Variants in PTCHD4 observed in about 807,000 individuals in gnomAD.
PTCHD4 encodes patched domain containing 4.
Under a neutral mutation model 58.1 loss-of-function variants are expected in PTCHD4, and 33 were observed. That is an observed-to-expected ratio of 0.57 (90% CI 0.43 to 0.76). PTCHD4 has a LOEUF of 0.76. PTCHD4 is among the 30% of genes least tolerant of loss of function. The pLI is 0.00. For missense variants in PTCHD4, 1,058 were observed against 1,027.1 expected (o/e 1.03, Z -0.41); for synonymous variants, 478 against 409.6 (o/e 1.17, Z -2.02).
chr6:47,988,351 G>A (rs917398042), intron 4 of PTCHD4, among the ~76,000 whole-genome samples: 2 of 152,100 alleles, frequency 1.3e-5, no homozygotes, highest in Non-Finnish European at 2.9e-5. Flanking sequence ...CAAAAATAGT[G>A]ACTATCACAT....
chr6:47,923,718 C>T (rs1454369583), intron 4 of PTCHD4, among the ~76,000 whole-genome samples: 4 of 152,298 alleles, frequency 2.6e-5, no homozygotes, highest in Non-Finnish European at 5.9e-5. Flanking sequence ...ATGGTATAGG[C>T]TCCTTGTTAG....
At chr6:48,016,595 C>A (rs1378978091) in intron 3 of PTCHD4, among the ~76,000 whole-genome samples, 3 of 151,804 alleles carry the variant, frequency 2.0e-5, no homozygotes, top group Non-Finnish European at 4.4e-5. Context: ...TAAATCATCT[C>A]ATCACATTAT....
At chr6:48,007,581 C>T (rs760461899) in intron 4 of PTCHD4, among the ~76,000 whole-genome samples, 12 of 152,180 alleles carry the variant, frequency 7.9e-5, no homozygotes, top group Non-Finnish European at 1.6e-4. Context: ...GGAGAGGTAG[C>T]GCTTCTCTTT....
At chr6:48,062,594 T>C (rs900545385) in intron 3 of PTCHD4, among the ~76,000 whole-genome samples, 4 of 152,122 alleles carry the variant, frequency 2.6e-5, no homozygotes, top group African/African-American at 9.7e-5. Context: ...GAGCAGAAAC[T>C]AGGCCCCAGT....
intron 4 of PTCHD4, among the ~76,000 whole-genome samples, chr6:47,981,483 G>A (rs542800895): frequency 4.6e-4 from 70 of 151,790 alleles, no homozygotes; most frequent in African/African-American, 1.5e-3. Flanking sequence ...CCCTAGAGGC[G>A]TCATGGTGTT....
rs983630392 is a variant in PTCHD4 at position 47,864,818 on chromosome 6, C to T, written c.*13485G>A. Among the ~76,000 whole-genome samples, 1 of 151,908 alleles carries T rather than the reference C, an allele frequency of 6.6e-6. No individual in the cohort carries two copies. Among genetic ancestry groups the T allele is most frequent in the South Asian group, 2.1e-4 (1 of 4,832 alleles). Reference sequence around the variant, plus strand: ...GAAAAGTTTTGAATTAGAGACAGGCCATCCAATGAATGTGTAACTATGTGT... The same window carrying T: ...GAAAAGTTTTGAATTAGAGACAGGCTATCCAATGAATGTGTAACTATGTGT... On this transcript the variant is annotated 3_prime_UTR_variant, in exon 5 of 5. Coordinates refer to ENST00000339488, the MANE Select transcript of PTCHD4 (RefSeq NM_001384253.1).
chr6:47,858,274 ATTTGAG>A lies in PTCHD4; in HGVS notation c.*20023_*20028del, dbSNP rs1763343798. On this transcript the variant is annotated 3_prime_UTR_variant, in exon 5 of 5. Transcript: ENST00000339488. ...GGGGCAGACATAAGAAGAAAATCTGATTTGAGTTTATCATATTCACCTTACTCCATT... is the reference window on the plus strand; with the variant it reads ...GGGGCAGACATAAGAAGAAAATCTGATTTATCATATTCACCTTACTCCATT... Among the ~76,000 whole-genome samples the A allele has an allele frequency of 1.4e-4, 21 of 152,028 alleles. No individual in the cohort carries two copies. Among genetic ancestry groups the A allele is most frequent in the Admixed American group, 1.4e-3 (21 of 15,234 alleles).
At chr6:47,981,753 T>A (rs1433353064) in intron 4 of PTCHD4, among the ~76,000 whole-genome samples, 1 of 152,156 alleles carries the variant, frequency 6.6e-6, no homozygotes, top group Non-Finnish European at 1.5e-5. Context: ...TGCTTGTTAC[T>A]CTATTCTGTG....
intron 4 of PTCHD4, among the ~76,000 whole-genome samples, chr6:47,995,108 A>C (rs1275038373): frequency 2.0e-5 from 3 of 152,170 alleles, no homozygotes; most frequent in Non-Finnish European, 2.9e-5. Flanking sequence ...ATATAAGTAA[A>C]ATATTTATAA....
chr6:48,035,912 A>G (rs1330871855), intron 3 of PTCHD4, among the ~76,000 whole-genome samples: 1 of 152,098 alleles, frequency 6.6e-6, no homozygotes, highest in Non-Finnish European at 1.5e-5. Flanking sequence ...TTCAGAGTTG[A>G]GCCTTATCTC....
intron 3 of PTCHD4, among the ~76,000 whole-genome samples, chr6:48,016,967 C>T (rs1269510667): frequency 6.6e-6 from 1 of 152,126 alleles, no homozygotes; most frequent in East Asian, 1.9e-4. Context: ...AAGACAATTG[C>T]AATTCAGATT....
At chr6:47,893,050 C>G (rs1764427698) in intron 4 of PTCHD4, among the ~76,000 whole-genome samples, 1 of 152,184 alleles carries the variant, frequency 6.6e-6, no homozygotes, top group Admixed American at 6.5e-5. Flanking sequence ...CTCGCTCTGT[C>G]ACCAGGGTGG....
chr6:47,890,044 T>C (rs1431104396), intron 4 of PTCHD4, among the ~76,000 whole-genome samples: 1 of 151,388 alleles, frequency 6.6e-6, no homozygotes, highest in East Asian at 2.0e-4. Context: ...TATATATATA[T>C]ATGTGTGTGT....
At chr6:48,110,670 CAA>C (rs1765852457) in intron 1 of PTCHD4, among the ~76,000 whole-genome samples, 2 of 150,570 alleles carry the variant, frequency 1.3e-5, no homozygotes, top group Admixed American at 6.6e-5. Context: ...CATACACACA[CAA>C]GGTAACTGTG....
intron 4 of PTCHD4, among the ~76,000 whole-genome samples, chr6:47,880,331 G>T (rs556064148): frequency 6.6e-6 from 1 of 152,288 alleles, no homozygotes; most frequent in African/African-American, 2.4e-5. Context: ...CAAGTGCTTG[G>T]TTAACTGATT....
intron 3 of PTCHD4, among the ~76,000 whole-genome samples, chr6:48,019,188 G>C (rs1762968946): frequency 6.6e-6 from 1 of 152,332 alleles, no homozygotes; most frequent in Middle Eastern, 3.4e-3. Context: ...GGTACCCAAG[G>C]ATGTGACACA....
At chr6:48,007,542 C>T (rs1762486576) in intron 4 of PTCHD4, among the ~76,000 whole-genome samples, 1 of 152,182 alleles carries the variant, frequency 6.6e-6, no homozygotes, top group Non-Finnish European at 1.5e-5. Flanking sequence ...TCTCTGGCTT[C>T]ATAGGACATA....
chr6:48,053,027 A>T lies in PTCHD4; in HGVS notation c.417+15203T>A, dbSNP rs571719666. Among the ~76,000 whole-genome samples the T allele has an allele frequency of 5.3e-5, 8 of 152,246 alleles. No homozygotes were observed. The South Asian group carries it at 1.7e-3, about 32-fold the overall frequency. On this transcript the variant is annotated intron_variant, in intron 3 of 4. Transcript: ENST00000339488. ...TTTAAATATTCATTGCACTTTAATG[A>T]ACATGCTTTTCCTCTAATTGATATT...
At chr6:48,051,425 T>C (rs778251046) in intron 3 of PTCHD4, among the ~76,000 whole-genome samples, 37 of 152,026 alleles carry the variant, frequency 2.4e-4, no homozygotes, top group Non-Finnish European at 4.4e-4. Flanking sequence ...TCTTCACTTT[T>C]GCTTGTTAAG....
Sources: allele counts gnomAD v4.1 joint callset (sites outside exome capture counted in the v4.1 genomes callset), GRCh38; gene constraint gnomAD v4.1.1; transcripts MANE v1.5; gene names NCBI Gene and HGNC (gene_info 2026-07-23, HGNC 2026-07-21).